Variants in LY96 observed in about 807,000 individuals in gnomAD.
LY96 encodes the protein myeloid differentiation protein-2.
LY96 carries 18 observed loss-of-function variants against 18.9 expected under a neutral mutation model. The ratio of observed to expected loss-of-function variants is 0.95; its 90% CI spans 0.66 to 1.41. LY96 has a LOEUF of 1.41. Ranked by LOEUF, LY96 falls within the 40% of genes most tolerant of loss-of-function variation. The probability of loss-of-function intolerance (pLI) is 0.00; values close to 1 mark genes in which losing one functional copy is unlikely to be tolerated. For missense variants in LY96, 175 were observed against 182.4 expected (o/e 0.96, Z 0.23); for synonymous variants, 66 against 62.6 (o/e 1.06, Z -0.26).
the LY96 span, among the ~76,000 whole-genome samples, chr8:74,038,960 T>C: frequency 1.3e-5 from 2 of 152,252 alleles, no homozygotes; most frequent in Non-Finnish European, 2.9e-5. Flanking sequence ...GTTATACTAA[T>C]TTACATTCAT....
intron 3 of LY96, 142 bp from the exon 4 acceptor site, chr8:74,026,647 A>G (rs1176167220): frequency 3.1e-6 from 2 of 642,266 alleles, no homozygotes. Flanking sequence ...AATAGCAGCC[A>G]GGGTATAAAA....
chr8:74,079,662 A>G, the LY96 span: 4 of 152,140 alleles, frequency 2.6e-5, 1 homozygote, highest in South Asian at 8.3e-4. Flanking sequence ...CAAAAAAGAG[A>G]TAGTTTTTAT....
chr8:74,095,287 G>A, the LY96 span, among the ~76,000 whole-genome samples: 2 of 152,116 alleles, frequency 1.3e-5, no homozygotes, highest in Admixed American at 1.3e-4. Context: ...TAAATTAGCA[G>A]CATAATCTGT....
At chr8:74,085,710 G>A in the LY96 span, among the ~76,000 whole-genome samples, 1 of 151,976 alleles carries the variant, frequency 6.6e-6, no homozygotes, top group Non-Finnish European at 1.5e-5. Context: ...TCTTCTCCTG[G>A]ATCTTTTTTT....
the LY96 span, among the ~76,000 whole-genome samples, chr8:74,080,281 T>C: frequency 6.6e-6 from 1 of 152,172 alleles, no homozygotes; most frequent in Non-Finnish European, 1.5e-5. Flanking sequence ...TTGAGCCTGA[T>C]TGACTTTGGT....
chr8:74,053,436 C>T, the LY96 span, among the ~76,000 whole-genome samples: 1 of 152,292 alleles, frequency 6.6e-6, no homozygotes, highest in African/African-American at 2.4e-5. Flanking sequence ...TCCCCTACTC[C>T]CTGTAGAATA....
At chr8:74,000,046 G>A (rs1013060843) in intron 1 of LY96, among the ~76,000 whole-genome samples, 7 of 152,134 alleles carry the variant, frequency 4.6e-5, no homozygotes, top group African/African-American at 1.4e-4. Context: ...TCACCACTGA[G>A]TATGATGTTG....
chr8:74,042,936 C>T, the LY96 span, among the ~76,000 whole-genome samples: 6 of 152,190 alleles, frequency 3.9e-5, no homozygotes, highest in East Asian at 9.7e-4. Context: ...GCCACCACAC[C>T]CTGCTAATTT....
At chr8:74,057,940 T>C in the LY96 span, among the ~76,000 whole-genome samples, 2 of 152,118 alleles carry the variant, frequency 1.3e-5, no homozygotes, top group African/African-American at 2.4e-5. Context: ...TAGAAAAGGG[T>C]TCCAGCTAGA....
the LY96 span, among the ~76,000 whole-genome samples, chr8:74,074,535 C>G: frequency 6.6e-6 from 1 of 151,776 alleles, no homozygotes; most frequent in African/African-American, 2.4e-5. Context: ...AATTTTGGGT[C>G]TGGTTTGCTC....
chr8:74,008,904 C>G (rs906540225), intron 2 of LY96, among the ~76,000 whole-genome samples: 6 of 152,062 alleles, frequency 3.9e-5, no homozygotes, highest in Non-Finnish European at 8.8e-5. Context: ...TGGAGGACAC[C>G]TGGAAGGGAG....
chr8:74,008,579 T>C (rs1004933644), intron 2 of LY96, among the ~76,000 whole-genome samples: 1 of 152,094 alleles, frequency 6.6e-6, no homozygotes, highest in African/African-American at 2.4e-5. Flanking sequence ...AGCGCGGTAA[T>C]GGGGATGAAA....
At chr8:74,020,695 C>T (rs1053220550) in intron 3 of LY96, among the ~76,000 whole-genome samples, 1 of 152,200 alleles carries the variant, frequency 6.6e-6, no homozygotes, top group Non-Finnish European at 1.5e-5. Context: ...GTAACCAAAA[C>T]AGCATGGTAC....
chr8:74,081,040 T>TC, the LY96 span, among the ~76,000 whole-genome samples: 232 of 124,848 alleles, frequency 1.9e-3, 4 homozygotes, highest in African/African-American at 8.3e-3. Context: ...CTTTCTTTCT[T>TC]TCTTTCTTTT....
intron 1 of LY96, 39 bp from the exon 2 acceptor site, chr8:74,004,757 T>C (rs1175689280): frequency 1.3e-6 from 2 of 1,493,176 alleles, no homozygotes; most frequent in South Asian, 1.1e-5. Flanking sequence ...ATGGAGATGA[T>C]TTGTAGTAAT....
the LY96 span, among the ~76,000 whole-genome samples, chr8:74,069,689 G>T: frequency 6.6e-6 from 1 of 152,046 alleles, no homozygotes; most frequent in African/African-American, 2.4e-5. Context: ...TGCAAACTCC[G>T]CCTCCTGGAT....
At chr8:74,078,961 A>G in the LY96 span, among the ~76,000 whole-genome samples, 1 of 151,500 alleles carries the variant, frequency 6.6e-6, no homozygotes. Flanking sequence ...GGCTAATTTG[A>G]TGTGTTAACT....
At chr8:73,996,991 C>T (rs576023314) in intron 1 of LY96, among the ~76,000 whole-genome samples, 17 of 152,184 alleles carry the variant, frequency 1.1e-4, no homozygotes, top group Admixed American at 4.6e-4. Context: ...ACAATCCACC[C>T]GCCTGGGCCT....
chr8:74,028,063 A>G (rs371115182), intron 4 of LY96, among the ~76,000 whole-genome samples: 1 of 152,374 alleles, frequency 6.6e-6, no homozygotes, highest in African/African-American at 2.4e-5. Flanking sequence ...AAAGCCTTAA[A>G]GGAAGGGCCT....
Sources: gnomAD v4.1 joint callset for allele counts (sites outside exome capture counted in the v4.1 genomes callset) on GRCh38, gnomAD v4.1.1 for gene constraint, MANE v1.5 for transcripts, NCBI Gene and HGNC (gene_info 2026-07-23, HGNC 2026-07-21) for gene names.